SNX10: variants seen among roughly 807,000 people sequenced by gnomAD.
SNX10 encodes sorting nexin 10.
Under a neutral mutation model 28.5 loss-of-function variants are expected in SNX10, and 25 were observed. That is an observed-to-expected ratio of 0.88 (90% CI 0.64 to 1.22). The LOEUF is 1.22. Ranked by LOEUF, SNX10 falls within the 50% of genes most tolerant of loss-of-function variation. The pLI is 0.00. For synonymous variants in SNX10, 62 were observed against 81.4 expected, an observed-to-expected ratio of 0.76 and a Z score of 1.28; for missense variants, 223 against 242.6, an observed-to-expected ratio of 0.92 and a Z score of 0.54.
intron 1 of SNX10, among the ~76,000 whole-genome samples, chr7:26,311,708 CAATT>C: frequency 6.6e-6 from 1 of 152,252 alleles, no homozygotes; most frequent in Admixed American, 6.5e-5. Context: ...GGAATTCTGT[CAATT>C]GATGAGAACA....
At chr7:26,356,707 A>C (rs1243915861) in intron 2 of SNX10, among the ~76,000 whole-genome samples, 1 of 152,222 alleles carries the variant, frequency 6.6e-6, no homozygotes, top group African/African-American at 2.4e-5. Flanking sequence ...TTAGGGGACT[A>C]AGTTACTGAA....
At chr7:26,302,408 A>G (rs1008513104) in intron 1 of SNX10, among the ~76,000 whole-genome samples, 1 of 152,152 alleles carries the variant, frequency 6.6e-6, no homozygotes, top group Admixed American at 6.5e-5. Flanking sequence ...AGCAGTGACA[A>G]TGGGGGCCAC....
chr7:26,297,585 C>T (rs1786158844), intron 1 of SNX10, among the ~76,000 whole-genome samples: 1 of 152,190 alleles, frequency 6.6e-6, no homozygotes, highest in African/African-American at 2.4e-5. Flanking sequence ...ATCTGTCCTT[C>T]CCCACTGCAG....
chr7:26,369,632 A>G (rs1435588617), intron 5 of SNX10, among the ~76,000 whole-genome samples: 3 of 152,324 alleles, frequency 2.0e-5, no homozygotes, highest in Admixed American at 6.5e-5. Context: ...GGGAGTGTTC[A>G]GATGTCCCCT....
chr7:26,315,130 G>A (rs1037584511), intron 1 of SNX10, among the ~76,000 whole-genome samples: 1 of 152,160 alleles, frequency 6.6e-6, no homozygotes, highest in South Asian at 2.1e-4. Context: ...TAAACAAAAT[G>A]TATTAATTGG....
At chr7:26,328,304 C>A (rs953090931) in intron 1 of SNX10, among the ~76,000 whole-genome samples, 2 of 152,126 alleles carry the variant, frequency 1.3e-5, no homozygotes, top group African/African-American at 4.8e-5. Flanking sequence ...ATGCTGACAT[C>A]ATTAATTAAA....
intron 1 of SNX10, among the ~76,000 whole-genome samples, chr7:26,341,251 A>C (rs763936284): frequency 3.3e-5 from 5 of 152,174 alleles, no homozygotes; most frequent in Non-Finnish European, 7.3e-5. Flanking sequence ...GTGAGCTATA[A>C]TTGTGCCACT....
chr7:26,322,793 A>G (rs933965064), intron 1 of SNX10, among the ~76,000 whole-genome samples: 5 of 152,224 alleles, frequency 3.3e-5, no homozygotes, highest in Admixed American at 6.5e-5. Context: ...TGGCTCATTC[A>G]TTCTGCAGTT....
intron 1 of SNX10, among the ~76,000 whole-genome samples, chr7:26,324,817 C>G (rs1787438897): frequency 6.6e-6 from 1 of 152,168 alleles, no homozygotes; most frequent in South Asian, 2.1e-4. Context: ...TTTTACTTCT[C>G]TGTTTTTCAA....
At chr7:26,343,112 C>T (rs1484180897) in intron 1 of SNX10, among the ~76,000 whole-genome samples, 3 of 152,166 alleles carry the variant, frequency 2.0e-5, no homozygotes, top group African/African-American at 7.2e-5. Context: ...TTTCCTACTT[C>T]ATAGTTGGAC....
chr7:26,340,323 T>C (rs1201175553), intron 1 of SNX10, among the ~76,000 whole-genome samples: 2 of 152,194 alleles, frequency 1.3e-5, no homozygotes, highest in Non-Finnish European at 1.5e-5. Context: ...AACCCAGCCA[T>C]GTTCATTCAG....
intron 1 of SNX10, among the ~76,000 whole-genome samples, chr7:26,339,027 C>T (rs899615067): frequency 7.2e-5 from 11 of 152,202 alleles, no homozygotes; most frequent in African/African-American, 2.7e-4. Flanking sequence ...ATTGTAATTT[C>T]TAATCTTGTA....
chr7:26,368,861 A>T (rs1413396755), intron 5 of SNX10, among the ~76,000 whole-genome samples: 2 of 152,096 alleles, frequency 1.3e-5, no homozygotes, highest in Non-Finnish European at 2.9e-5. Context: ...CTAACCTTCC[A>T]TGTACTATGC....
chr7:26,303,359 G>C (rs989326175), intron 1 of SNX10, among the ~76,000 whole-genome samples: 9 of 152,168 alleles, frequency 5.9e-5, no homozygotes, highest in African/African-American at 9.7e-5. Flanking sequence ...CAAGGCCCAA[G>C]TCCTCTAACT....
In SNX10 at chr7:26,307,963, A is replaced by G. The variant is rs34947105; in HGVS notation, c.-24+15877A>G. ...CACCCATCCCAGATGAATCACTGCC[A>G]TCATGTCAAGCTTCCACTTACTCCA... On this transcript the variant is annotated intron_variant, in intron 1 of 6. Coordinates refer to ENST00000338523, the MANE Select transcript of SNX10 (RefSeq NM_013322.3). Among the ~76,000 whole-genome samples, 1,131 of 152,328 alleles carry G rather than the reference A, an allele frequency of 7.4e-3. 5 individuals carry two copies. The highest frequency in any genetic ancestry group is 8.7e-3 in the Non-Finnish European group (594 of 68,028).
intron 1 of SNX10, among the ~76,000 whole-genome samples, chr7:26,320,750 A>AT (rs1237174880): frequency 6.6e-6 from 1 of 152,186 alleles, no homozygotes; most frequent in Non-Finnish European, 1.5e-5. Flanking sequence ...TCTTCTATGC[A>AT]TACAAGCATG....
chr7:26,301,387 T>C (rs11525780), intron 1 of SNX10, among the ~76,000 whole-genome samples: 55,943 of 152,054 alleles, frequency 0.37, 10,534 homozygotes, highest in East Asian at 0.55. Flanking sequence ...AGTCTTGAGC[T>C]CCTTTTTAGA....
chr7:26,294,466 C>T (rs1240840208), intron 1 of SNX10, among the ~76,000 whole-genome samples: 2 of 152,272 alleles, frequency 1.3e-5, no homozygotes, highest in Non-Finnish European at 1.5e-5. Flanking sequence ...TGACATTTAT[C>T]GAGTGCTTAC....
chr7:26,298,914 C>T (rs1430638121), intron 1 of SNX10, among the ~76,000 whole-genome samples: 1 of 152,104 alleles, frequency 6.6e-6, no homozygotes, highest in Admixed American at 6.6e-5. Context: ...TCACGAGGGC[C>T]CCACCCTTTT....
Sources: gnomAD v4.1 joint callset for allele counts (sites outside exome capture counted in the v4.1 genomes callset) on GRCh38, gnomAD v4.1.1 for gene constraint, MANE v1.5 for transcripts, NCBI Gene and HGNC (gene_info 2026-07-23, HGNC 2026-07-21) for gene names.